The following C19orf81 variants were observed in gnomAD, a reference collection of about 807,000 sequenced individuals.
C19orf81 encodes chromosome 19 open reading frame 81, also known as putative uncharacterized protein C19orf81.
In C19orf81, 19 loss-of-function variants were observed where a neutral mutation model predicts 22.1. That is an observed-to-expected ratio of 0.86 (90% CI 0.60 to 1.26). The LOEUF is 1.26. C19orf81 is among the 50% of genes most tolerant of loss of function. The probability of loss-of-function intolerance (pLI) is 0.00; values close to 1 mark genes in which losing one functional copy is unlikely to be tolerated. For missense variants in C19orf81, 287 were observed against 280.7 expected, an observed-to-expected ratio of 1.02 and a Z score of -0.16; for synonymous variants, 108 against 113.1, an observed-to-expected ratio of 0.95 and a Z score of 0.29.
At chr19:50,652,175 T>C (rs1984891592) in intron 1 of C19orf81, among the ~76,000 whole-genome samples, 1 of 152,202 alleles carries the variant, frequency 6.6e-6, no homozygotes, top group Non-Finnish European at 1.5e-5. Flanking sequence ...TATCATCTCA[T>C]ACCTAGTACA....
Position 50,650,721 on chromosome 19 carries a change from C to T in C19orf81, c.67+1210C>T, listed in dbSNP as rs117636377. On this transcript the variant is annotated intron_variant, in intron 1 of 4. Coordinates refer to ENST00000425202, the MANE Select transcript of C19orf81 (RefSeq NM_001195076.2). ...AACAAAAACACCCAAAACCAAAACTCACTGCAGCCTTGAGCTCCTGGCTCA... is the reference window on the plus strand; with the variant it reads ...AACAAAAACACCCAAAACCAAAACTTACTGCAGCCTTGAGCTCCTGGCTCA... 7.9e-4 allele frequency among the ~76,000 whole-genome samples: 121 copies of T among 152,330 alleles called. No homozygotes were observed. The East Asian group carries it at 0.019, about 24-fold the overall frequency.
chr19:50,656,388 G>C, intron 3 of C19orf81, 42 bp downstream of exon 3: 2 of 1,508,790 alleles, frequency 1.3e-6, no homozygotes, highest in Non-Finnish European at 1.8e-6. Context: ...AGTTTTGGTG[G>C]GGTGATGGGA....
intron 4 of C19orf81, 82 bp downstream of exon 4, chr19:50,658,210 T>C (rs900168376): frequency 7.3e-7 from 1 of 1,376,668 alleles, no homozygotes; most frequent in Non-Finnish European, 9.6e-7. Flanking sequence ...TGGTTGGTTT[T>C]AGAGCGCTGA....
chr19:50,651,637 T>C (rs573049891), intron 1 of C19orf81, among the ~76,000 whole-genome samples: 1 of 151,882 alleles, frequency 6.6e-6, no homozygotes, highest in Admixed American at 6.6e-5. Context: ...CAGGAGTTCC[T>C]GGCTGCAGTG....
intron 1 of C19orf81, among the ~76,000 whole-genome samples, chr19:50,653,043 T>C (rs533812694): frequency 6.6e-6 from 1 of 152,158 alleles, no homozygotes; most frequent in African/African-American, 2.4e-5. Context: ...CTATTCTATT[T>C]TATTTTATTT....
intron 3 of C19orf81, among the ~76,000 whole-genome samples, chr19:50,656,991 GGAA>G (rs1985009951): frequency 6.7e-6 from 1 of 148,480 alleles, no homozygotes; most frequent in African/African-American, 2.5e-5. Context: ...AAGGAAGGAA[GGAA>G]GGGAGGGAGG....
intron 1 of C19orf81, among the ~76,000 whole-genome samples, chr19:50,650,719 C>G (rs901455834): frequency 4.6e-5 from 7 of 152,204 alleles, no homozygotes; most frequent in South Asian, 2.1e-4. Context: ...AAAACCAAAA[C>G]TCACTGCAGC....
rs1984994691 is a variant in C19orf81, at chr19:50,656,347, G to A, written c.261+1G>A. The stretch of plus-strand genomic sequence containing the variant: ...CCTCTGCCTCTGCATGGAGACCTTG[G>A]TGAGTGGACCTGTGCCCTTATTTTC... On this transcript the variant is annotated splice_donor_variant, in intron 3 of 4. Coordinates refer to ENST00000425202, the MANE Select transcript of C19orf81 (RefSeq NM_001195076.2). LOFTEE classifies it high-confidence loss of function. 6.5e-7 allele frequency: 1 copy of A among 1,534,540 alleles called. No individual in the cohort carries two copies.
At chr19:50,651,910 T>C (rs1052486360) in intron 1 of C19orf81, among the ~76,000 whole-genome samples, 3 of 152,224 alleles carry the variant, frequency 2.0e-5, no homozygotes, top group African/African-American at 7.2e-5. Context: ...GTATTCACAT[T>C]TTTTCACATG....
At chr19:50,652,373 C>T (rs1286312334) in intron 1 of C19orf81, among the ~76,000 whole-genome samples, 2 of 151,942 alleles carry the variant, frequency 1.3e-5, no homozygotes, top group African/African-American at 4.8e-5. Flanking sequence ...GCTCAGAAGA[C>T]GTAGGGAAGA....
intron 3 of C19orf81, among the ~76,000 whole-genome samples, chr19:50,657,024 G>T (rs1239565386): frequency 6.6e-6 from 1 of 151,508 alleles, no homozygotes; most frequent in Non-Finnish European, 1.5e-5. Context: ...GGAAAGGAAG[G>T]AAGGGAGGGA....
At chr19:50,652,870 C>A (rs1028271236) in intron 1 of C19orf81, among the ~76,000 whole-genome samples, 1 of 152,068 alleles carries the variant, frequency 6.6e-6, no homozygotes, top group African/African-American at 2.4e-5. Context: ...ATTGAGAACA[C>A]GCACACTGGA....
At chr19:50,651,790 T>G (rs1241224282) in intron 1 of C19orf81, among the ~76,000 whole-genome samples, 1 of 152,198 alleles carries the variant, frequency 6.6e-6, no homozygotes, top group Non-Finnish European at 1.5e-5. Context: ...TATGTTAATT[T>G]AATTACACAT....
intron 3 of C19orf81, among the ~76,000 whole-genome samples, chr19:50,657,025 A>AAGGG (rs1985011381): frequency 6.7e-6 from 1 of 149,226 alleles, no homozygotes; most frequent in Non-Finnish European, 1.5e-5. Context: ...GAAAGGAAGG[A>AAGGG]AGGGAGGGAG....
intron 3 of C19orf81, among the ~76,000 whole-genome samples, chr19:50,657,752 AATTG>A (rs1568421998): frequency 6.6e-6 from 1 of 152,116 alleles, no homozygotes; most frequent in African/African-American, 2.4e-5. Context: ...GCTTGGTGAG[AATTG>A]ATTTTTTTGG....
intron 1 of C19orf81, among the ~76,000 whole-genome samples, chr19:50,650,249 A>G (rs894636351): frequency 6.6e-6 from 1 of 152,152 alleles, no homozygotes; most frequent in Admixed American, 6.5e-5. Flanking sequence ...CCTGCTGACA[A>G]CTTCAGGCTC....
At chr19:50,655,926 A>C (rs1599829299) in intron 1 of C19orf81, 124 bp from the exon 2 acceptor site, 1 of 911,212 alleles carries the variant, frequency 1.1e-6, no homozygotes, top group Non-Finnish European at 1.7e-6. Flanking sequence ...AGAGACAGTA[A>C]CTCAACATCT....
At chr19:50,650,409 G>A (rs1007812584) in intron 1 of C19orf81, among the ~76,000 whole-genome samples, 4 of 152,228 alleles carry the variant, frequency 2.6e-5, no homozygotes, top group Admixed American at 1.3e-4. Flanking sequence ...GGTGGCTCAC[G>A]CCTATAATCC....
chr19:50,658,068 T>A lies in C19orf81; in HGVS notation c.341T>A (p.Val114Glu). 1 of 1,535,828 alleles carries A rather than the reference T, an allele frequency of 6.5e-7. No homozygotes were observed. Among genetic ancestry groups the A allele is most frequent in the South Asian group, 1.2e-5 (1 of 84,024 alleles). ...CCAGGGGCCATGGAGAGCGGGCGCG[T>A]GAGCAGCATCCGCTTTGAGAACATG... ...QLPGAMESGR[V>E]SSIRFENMNV... Residue 114 changes from valine (V) to glutamate (E), a missense_variant, in exon 4 of 5, where the codon GTG becomes GAG. Val to Glu is a moderately radical substitution (Grantham distance 121). Transcript: ENST00000425202.
Sources: allele counts gnomAD v4.1 joint callset (sites outside exome capture counted in the v4.1 genomes callset), GRCh38; gene constraint gnomAD v4.1.1; transcripts MANE v1.5; gene names NCBI Gene and HGNC (gene_info 2026-07-23, HGNC 2026-07-21).